Variants in SPIRE1 observed in about 807,000 individuals in gnomAD.
SPIRE1 encodes protein spire homolog 1.
In SPIRE1, 40 loss-of-function variants were observed where a neutral mutation model predicts 94.1. The ratio of observed to expected loss-of-function variants is 0.43; its 90% CI spans 0.33 to 0.55. SPIRE1 has a LOEUF of 0.55. Among genes scored for constraint, SPIRE1 ranks in the 20% least tolerant of loss-of-function variants. The pLI is 0.06. For synonymous variants in SPIRE1, 376 were observed against 371.7 expected (o/e 1.01, Z -0.13); for missense variants, 838 against 975.2 (o/e 0.86, Z 1.87).
intron 2 of SPIRE1, among the ~76,000 whole-genome samples, chr18:12,569,084 C>T (rs181053266): frequency 3.9e-5 from 6 of 152,214 alleles, no homozygotes; most frequent in East Asian, 1.9e-4. Flanking sequence ...CTCATGCCTG[C>T]AATCCCAGCA....
chr18:12,526,290 A>G (rs1274156960), intron 4 of SPIRE1, among the ~76,000 whole-genome samples: 2 of 151,968 alleles, frequency 1.3e-5, no homozygotes, highest in African/African-American at 4.8e-5. Context: ...CCTGGCCTTC[A>G]TGTGTGCTGT....
chr18:12,518,721 A>G (rs1256071016), intron 4 of SPIRE1, among the ~76,000 whole-genome samples: 1 of 152,080 alleles, frequency 6.6e-6, no homozygotes, highest in African/African-American at 2.4e-5. Flanking sequence ...AACAAAACAA[A>G]AAAAAACAAA....
chr18:12,464,971 C>T lies in SPIRE1; in HGVS notation c.1405-13G>A. The T allele has an allele frequency of 6.2e-7, 1 of 1,612,322 alleles. No individual in the cohort carries two copies. The highest frequency in any genetic ancestry group is 8.5e-7 in the Non-Finnish European group (1 of 1,179,000). On this transcript the variant is annotated splice_polypyrimidine_tract_variant and intron_variant, in intron 10 of 16. Coordinates refer to ENST00000409402, the MANE Select transcript of SPIRE1 (RefSeq NM_001128626.2). ...GCAGCGTTTCTTCCTGAGCAAAGTA[C>T]AGGTGGAGAAATCGACTTCTTAGAC... is the stretch of plus-strand genomic sequence containing the variant.
intron 2 of SPIRE1, among the ~76,000 whole-genome samples, chr18:12,612,409 C>G (rs1475770832): frequency 6.6e-6 from 1 of 152,110 alleles, no homozygotes; most frequent in African/African-American, 2.4e-5. Context: ...TGCTGGAGTG[C>G]GCCAGGGCTC....
chr18:12,508,798 C>T (rs1299219536), intron 5 of SPIRE1, among the ~76,000 whole-genome samples: 2 of 151,994 alleles, frequency 1.3e-5, no homozygotes, highest in African/African-American at 4.8e-5. Context: ...CCTCAGCCTC[C>T]TGAGTAGCTG....
At chr18:12,617,169 T>C (rs2144719109) in intron 2 of SPIRE1, among the ~76,000 whole-genome samples, 1 of 150,512 alleles carries the variant, frequency 6.6e-6, no homozygotes, top group East Asian at 2.0e-4. Flanking sequence ...ATTTTTTTTT[T>C]TTTTTTTTGA....
intron 12 of SPIRE1, among the ~76,000 whole-genome samples, chr18:12,457,068 T>C (rs1598885926): frequency 6.6e-6 from 1 of 152,276 alleles, no homozygotes; most frequent in East Asian, 1.9e-4. Flanking sequence ...TGTCCTCAAG[T>C]GATCTGCCAG....
At chr18:12,554,176 G>A (rs1174254644) in intron 2 of SPIRE1, among the ~76,000 whole-genome samples, 1 of 151,524 alleles carries the variant, frequency 6.6e-6, no homozygotes, top group Non-Finnish European at 1.5e-5. Context: ...GCACGTGTCT[G>A]TAATCCTAGC....
chr18:12,495,049 CA>C (rs773920267), intron 7 of SPIRE1, among the ~76,000 whole-genome samples: 1,035 of 81,040 alleles, frequency 0.013, 6 homozygotes, highest in African/African-American at 0.036. Context: ...GACTCTGTCT[CA>C]AAAAAAAAAA....
chr18:12,532,758 T>C (rs1477705026), intron 4 of SPIRE1, among the ~76,000 whole-genome samples: 1 of 152,232 alleles, frequency 6.6e-6, no homozygotes, highest in Non-Finnish European at 1.5e-5. Flanking sequence ...CAAGAAAACC[T>C]TATACATTGC....
chr18:12,650,537 C>A (rs1373092741), intron 1 of SPIRE1, among the ~76,000 whole-genome samples: 3 of 151,826 alleles, frequency 2.0e-5, no homozygotes, highest in African/African-American at 7.3e-5. Flanking sequence ...GGTGAAACCC[C>A]GTCTCTACTA....
chr18:12,596,950 C>T (rs947330303), intron 2 of SPIRE1, among the ~76,000 whole-genome samples: 1 of 150,134 alleles, frequency 6.7e-6, no homozygotes, highest in Admixed American at 6.6e-5. Flanking sequence ...TTCCTGTTTC[C>T]TCCTCCACCT....
chr18:12,616,804 C>T (rs1361683140), intron 2 of SPIRE1, among the ~76,000 whole-genome samples: 8 of 152,134 alleles, frequency 5.3e-5, no homozygotes, highest in South Asian at 2.1e-4. Flanking sequence ...TCATGTGCTA[C>T]GTTTTATTAA....
At chr18:12,508,370 C>A (rs2033909810) in intron 5 of SPIRE1, among the ~76,000 whole-genome samples, 1 of 152,034 alleles carries the variant, frequency 6.6e-6, no homozygotes, top group Admixed American at 6.6e-5. Context: ...TCCTCTTGTT[C>A]CAAAAAGGAT....
intron 3 of SPIRE1, among the ~76,000 whole-genome samples, chr18:12,538,679 T>C (rs891571091): frequency 6.6e-6 from 1 of 150,448 alleles, no homozygotes; most frequent in African/African-American, 2.5e-5. Flanking sequence ...CTGAGAGTCA[T>C]CCTTTTTTCC....
At chr18:12,486,244 A>G (rs971214866) in intron 8 of SPIRE1, among the ~76,000 whole-genome samples, 1 of 152,222 alleles carries the variant, frequency 6.6e-6, no homozygotes, top group African/African-American at 2.4e-5. Flanking sequence ...TTTTTAGAAA[A>G]CAAGTAAAAA....
At chr18:12,631,550 A>C (rs2037776779) in intron 2 of SPIRE1, among the ~76,000 whole-genome samples, 3 of 56,024 alleles carry the variant, frequency 5.4e-5, no homozygotes, top group Admixed American at 3.5e-4. Flanking sequence ...CATCTCTACA[A>C]AAAAAAAAAA....
chr18:12,607,427 T>C (rs1328104059), intron 2 of SPIRE1, among the ~76,000 whole-genome samples: 2 of 152,164 alleles, frequency 1.3e-5, no homozygotes, highest in East Asian at 1.9e-4. Flanking sequence ...TCCTAAGGCA[T>C]TGAATGAGCT....
At chr18:12,603,570 G>A (rs1476572994) in intron 2 of SPIRE1, among the ~76,000 whole-genome samples, 6 of 131,060 alleles carry the variant, frequency 4.6e-5, no homozygotes, top group African/African-American at 1.6e-4. Context: ...ATCACCAGTA[G>A]CCAATTTTTT....
Sources: gnomAD v4.1 joint callset for allele counts (sites outside exome capture counted in the v4.1 genomes callset) on GRCh38, gnomAD v4.1.1 for gene constraint, MANE v1.5 for transcripts, NCBI Gene and HGNC (gene_info 2026-07-23, HGNC 2026-07-21) for gene names.